PSTK: variants seen among roughly 807,000 people sequenced by gnomAD.
PSTK encodes the protein phosphoseryl-tRNA kinase.
Under a neutral mutation model 38.6 loss-of-function variants are expected in PSTK, and 26 were observed. That is an observed-to-expected ratio of 0.67 (90% CI 0.49 to 0.94). PSTK has a LOEUF of 0.94. Among genes scored for constraint, PSTK ranks in the 40% least tolerant of loss-of-function variants. The pLI is 0.00. For synonymous variants in PSTK, 181 were observed against 161.7 expected, an observed-to-expected ratio of 1.12 and a Z score of -0.91; for missense variants, 445 against 436.3, an observed-to-expected ratio of 1.02 and a Z score of -0.18.
At chr10:122,988,400 C>T (rs1849064223) in intron 5 of PSTK, among the ~76,000 whole-genome samples, 1 of 151,504 alleles carries the variant, frequency 6.6e-6, no homozygotes, top group African/African-American at 2.4e-5. Flanking sequence ...TATATATATA[C>T]ATATATTATA....
At chr10:122,987,417 G>C in intron 5 of PSTK, 1 of 1,614,170 alleles carries the variant, frequency 6.2e-7, no homozygotes, top group Non-Finnish European at 8.5e-7. Flanking sequence ...GATCATTCTA[G>C]GCAATGAACA....
chr10:122,984,018 T>G (rs1035889372), intron 3 of PSTK: 1 of 152,860 alleles, frequency 6.5e-6, no homozygotes, highest in Non-Finnish European at 1.5e-5. Flanking sequence ...TAGCCACATT[T>G]GACTATTGAG....
chr10:122,986,743 A>C (rs1390123822), intron 4 of PSTK, 126 bp from the exon 5 acceptor site: 5 of 640,022 alleles, frequency 7.8e-6, no homozygotes, highest in African/African-American at 3.7e-5. Context: ...CTTGTAGGGA[A>C]GAATAACAAA....
At chr10:122,990,028 C>CT (rs1564732472) in intron 5 of PSTK, 146 bp from the exon 6 acceptor site, 1 of 516,696 alleles carries the variant, frequency 1.9e-6, no homozygotes. Context: ...ACATTGAGAC[C>CT]TTTTTTCTAT....
chr10:122,981,211 T>C (rs9423239), intron 1 of PSTK, among the ~76,000 whole-genome samples: 97,282 of 152,148 alleles, frequency 0.64, 31,561 homozygotes, highest in Non-Finnish European at 0.7. Context: ...CTCAGAACGA[T>C]AGAAAGAGGC....
intron 5 of PSTK, among the ~76,000 whole-genome samples, chr10:122,989,024 A>C (rs1426460181): frequency 1.3e-5 from 2 of 152,140 alleles, no homozygotes; most frequent in East Asian, 1.9e-4. Flanking sequence ...TGAAATGCTG[A>C]TATGTGCTAT....
intron 2 of PSTK, 46 bp from the exon 3 acceptor site, chr10:122,983,226 G>T: frequency 6.8e-7 from 1 of 1,466,474 alleles, no homozygotes; most frequent in South Asian, 1.3e-5. Flanking sequence ...TTCATATTTT[G>T]GAAAAAGAGT....
At position 122,980,740 on chromosome 10, in the gene PSTK, C is replaced by CGGGGCGGGGCGGGGT; in HGVS notation, c.216+59_216+60insTGGGGCGGGGCGGGG. ...GCCTGGGCCGCGGGGCGGGGCGGGG[C>CGGGGCGGGGCGGGGT]GGGGCGGGGCGGGGCGGGGACACTC... On this transcript the variant is annotated intron_variant, in intron 1 of 5. Coordinates refer to ENST00000406217, the MANE Select transcript of PSTK (RefSeq NM_001363531.2). This position sits in a 1 kb window ranked among gnomAD's most constrained non-coding sequence, Gnocchi z 4.3. The CGGGGCGGGGCGGGGT allele has an allele frequency of 1.1e-5, 1 of 88,936 alleles. No homozygotes were observed. The highest frequency in any genetic ancestry group is 1.4e-5 in the Non-Finnish European group (1 of 73,264). 5.5% of individuals were successfully genotyped at this position (88,936 alleles called of 1,614,324 possible). A position where few individuals can be genotyped will look rare whatever the true frequency, so the allele number is the denominator to read the frequency against.
intron 4 of PSTK, 79 bp from the exon 5 acceptor site, chr10:122,986,790 A>G: frequency 1.1e-6 from 1 of 915,678 alleles, no homozygotes; most frequent in Non-Finnish European, 1.7e-6. Context: ...TAGTCCTTTC[A>G]AATACATGTG....
chr10:122,987,106 T>A, intron 5 of PSTK, 144 bp downstream of exon 5: 1 of 879,720 alleles, frequency 1.1e-6, no homozygotes, highest in Non-Finnish European at 1.8e-6. Context: ...TGACTAAATG[T>A]AACTAAAAAT....
At position 122,987,257 on chromosome 10, in the gene PSTK, G is replaced by T. The variant is rs377439157; in HGVS notation, c.877+295G>T. On this transcript the variant is annotated intron_variant, in intron 5 of 5. Coordinates refer to ENST00000406217, the MANE Select transcript of PSTK (RefSeq NM_001363531.2). ...GGAGACAGACAAAACATGATTACAT[G>T]AGTATATGCCCATGCTCTGAAGAAA... 2.0e-5 allele frequency: 30 copies of T among 1,509,104 alleles called. No homozygotes were observed. In the East Asian group the frequency reaches 2.5e-4, roughly 12 times the overall value. The allele number at this position is 1,509,104 out of a possible 1,614,324, so 93.5% of individuals were successfully genotyped here.
At position 122,983,402 on chromosome 10, in the gene PSTK, C is replaced by G. The variant is rs779336048; in HGVS notation, c.639C>G (p.Asn213Lys). ...HLMGRKLEKPNPEKNAWEHNS... is the reference protein window; with the variant it reads ...HLMGRKLEKPKPEKNAWEHNS... The stretch of plus-strand genomic sequence containing the variant: ...TGGGAAGAAAGCTAGAAAAGCCCAA[C>G]CCTGAGAAAAATGCTTGGGAACACA... The change falls in exon 3 of 6, where the codon AAC becomes AAG. Residue 213 changes from asparagine (N) to lysine (K), a missense_variant. By Grantham distance (94) the Asn-to-Lys change is moderately conservative. Coordinates refer to ENST00000406217, the MANE Select transcript of PSTK (RefSeq NM_001363531.2). 1 of 1,614,166 alleles carries G rather than the reference C, an allele frequency of 6.2e-7. No individual in the cohort carries two copies. Among genetic ancestry groups the G allele is most frequent in the Non-Finnish European group, 8.5e-7 (1 of 1,180,038 alleles).
At position 122,980,495 on chromosome 10, in the gene PSTK, A is replaced by G; in HGVS notation, c.16A>G (p.Asn6Asp). 2 of 1,605,010 alleles carry G rather than the reference A, an allele frequency of 1.2e-6. No homozygotes were observed. Among genetic ancestry groups the G allele is most frequent in the Non-Finnish European group, 1.7e-6 (2 of 1,178,062 alleles). The change falls in exon 1 of 6, where the codon AAC becomes GAC. Residue 6 changes from asparagine to aspartate, a missense_variant. Asn to Asp is a conservative substitution (Grantham distance 23). Transcript: ENST00000406217. This position sits in a 1 kb window ranked among gnomAD's most constrained non-coding sequence, Gnocchi z 4.3. MKTAE[N>D]IRGTGSDGPR... ...CCCGGGCAGCATGAAGACCGCCGAGAACATCAGAGGAACCGGCAGCGACGG... is the reference window on the plus strand; with the variant it reads ...CCCGGGCAGCATGAAGACCGCCGAGGACATCAGAGGAACCGGCAGCGACGG...
intron 5 of PSTK, chr10:122,987,589 T>C: frequency 6.5e-7 from 1 of 1,530,782 alleles, no homozygotes. Flanking sequence ...AAATCTGAAT[T>C]TATATAATAG....
Position 122,982,850 on chromosome 10 carries a change from G to A in PSTK, c.334G>A (p.Glu112Lys). The A allele has an allele frequency of 6.2e-7, 1 of 1,614,204 alleles. No homozygotes were observed. ...ACCCAACAGGACTGAAGCCATGTGG[G>A]AAGATTTTATAACCTGCTTAAAGGA... ...VPPNRTEAMW[E>K]DFITCLKDQD... The change falls in exon 2 of 6, where the codon GAA becomes AAA. Residue 112 changes from glutamate (E) to lysine (K), a missense_variant. Transcript: ENST00000406217.
intron 3 of PSTK, chr10:122,985,570 T>C (rs1849022048): frequency 6.6e-6 from 1 of 152,236 alleles, no homozygotes; most frequent in Non-Finnish European, 1.5e-5. Flanking sequence ...TTCATGGACC[T>C]TTGCTCAGTG....
At chr10:122,986,835 G>A in intron 4 of PSTK, 34 bp from the exon 5 acceptor site, 1 of 1,336,674 alleles carries the variant, frequency 7.5e-7, no homozygotes, top group South Asian at 1.2e-5. Context: ...ATAAAACTAT[G>A]TGACTTCTAA....
intron 5 of PSTK, among the ~76,000 whole-genome samples, chr10:122,987,723 C>T (rs556354628): frequency 2.0e-5 from 3 of 152,262 alleles, no homozygotes; most frequent in Admixed American, 6.5e-5. Context: ...CCTTTCTATA[C>T]GTTAAGCGCT....
At chr10:122,981,530 A>G (rs1214717239) in intron 1 of PSTK, among the ~76,000 whole-genome samples, 1 of 152,226 alleles carries the variant, frequency 6.6e-6, no homozygotes, top group Non-Finnish European at 1.5e-5. Flanking sequence ...ATATTCTGAA[A>G]TGTTAACATT....
Sources: gnomAD v4.1 joint callset for allele counts (sites outside exome capture counted in the v4.1 genomes callset) on GRCh38, gnomAD v4.1.1 for gene constraint, Gnocchi (gnomAD v3.1) non-coding constraint, MANE v1.5 for transcripts, NCBI Gene and HGNC (gene_info 2026-07-23, HGNC 2026-07-21) for gene names.